The following TLCD4 variants were observed in gnomAD, a reference collection of about 807,000 sequenced individuals.
TLCD4 encodes the protein TLC domain-containing protein 4.
In TLCD4, 7 loss-of-function variants were observed where a neutral mutation model predicts 24.2. The observed-to-expected ratio is 0.29, with a 90% CI of 0.16 to 0.54. TLCD4 has a LOEUF of 0.54. TLCD4 is among the 20% of genes least tolerant of loss of function. The pLI is 0.95. For missense variants in TLCD4, 259 were observed against 313.9 expected (o/e 0.82, Z 1.32); for synonymous variants, 103 against 106.4 (o/e 0.97, Z 0.20).
chr1:95,120,348 T>C (rs985424889), intron 1 of TLCD4: 11 of 152,226 alleles, frequency 7.2e-5, no homozygotes, highest in Admixed American at 3.3e-4. Context: ...GTATTTTTTC[T>C]TGTTGAGGAT....
In TLCD4 at chr1:95,194,561, A is replaced by G. The variant is rs1256353004; in HGVS notation, c.*2693A>G. 2 of 152,164 alleles carry G rather than the reference A, an allele frequency of 1.3e-5. No homozygotes were observed. Among genetic ancestry groups the G allele is most frequent in the African/African-American group, 4.8e-5 (2 of 41,456 alleles). 9.4% of individuals were successfully genotyped at this position (152,164 alleles called of 1,614,324 possible). A position where few individuals can be genotyped will look rare whatever the true frequency, so the allele number is the denominator to read the frequency against. The stretch of plus-strand genomic sequence containing the variant: ...CATTCTGATATTTAACAACTCTATT[A>G]AAATATTTATAGAAAAATAAAAGCA... On this transcript the variant is annotated 3_prime_UTR_variant, in exon 7 of 7. Coordinates refer to ENST00000370203, the MANE Select transcript of TLCD4 (RefSeq NM_152487.3).
chr1:95,101,939 TAA>T, the TLCD4 span, among the ~76,000 whole-genome samples: 9 of 151,936 alleles, frequency 5.9e-5, no homozygotes, highest in African/African-American at 2.2e-4. Context: ...TGAGAATGAG[TAA>T]AGAGTATGAA....
At chr1:95,130,305 T>G (rs2100914443) in intron 1 of TLCD4, among the ~76,000 whole-genome samples, 1 of 152,114 alleles carries the variant, frequency 6.6e-6, no homozygotes, top group Non-Finnish European at 1.5e-5. Context: ...GGCACGTGCC[T>G]CCATACCCAG....
chr1:95,151,164 T>C (rs1677481558), intron 4 of TLCD4, among the ~76,000 whole-genome samples, 161 bp from the exon 5 acceptor site: 1 of 152,048 alleles, frequency 6.6e-6, no homozygotes, highest in Admixed American at 6.6e-5. Flanking sequence ...GGAGCAGAGA[T>C]TTTATGGTAA....
chr1:95,092,522 C>T, the TLCD4 span, among the ~76,000 whole-genome samples: 1 of 152,176 alleles, frequency 6.6e-6, no homozygotes, highest in African/African-American at 2.4e-5. Context: ...ACTGTGGAAG[C>T]TTTGTTCTTT....
At chr1:95,104,152 C>T in the TLCD4 span, among the ~76,000 whole-genome samples, 1 of 152,208 alleles carries the variant, frequency 6.6e-6, no homozygotes, top group South Asian at 2.1e-4. Flanking sequence ...ACATCATTCT[C>T]TCTAGAATGT....
chr1:95,113,363 G>A (rs889678215), upstream of TLCD4, among the ~76,000 whole-genome samples: 1 of 152,142 alleles, frequency 6.6e-6, no homozygotes, highest in Non-Finnish European at 1.5e-5. Flanking sequence ...GTTGATTTGA[G>A]TGAACATTGT....
chr1:95,143,675 G>T (rs1677267556), intron 1 of TLCD4, among the ~76,000 whole-genome samples: 1 of 151,992 alleles, frequency 6.6e-6, no homozygotes, highest in Non-Finnish European at 1.5e-5. Context: ...CTCTAATATT[G>T]AGATCTTTAA....
intron 5 of TLCD4, among the ~76,000 whole-genome samples, chr1:95,162,105 A>T (rs1040602768): frequency 6.6e-6 from 1 of 152,074 alleles, no homozygotes; most frequent in Non-Finnish European, 1.5e-5. Flanking sequence ...TGGGGTGTTA[A>T]AAGTCTCCCA....
intron 1 of TLCD4, among the ~76,000 whole-genome samples, chr1:95,128,019 G>A (rs1212717937): frequency 2.0e-5 from 3 of 152,190 alleles, no homozygotes; most frequent in Non-Finnish European, 2.9e-5. Context: ...CAAGAGAATT[G>A]CTTGAACCTG....
In TLCD4 at chr1:95,159,785, T is replaced by C. The variant is rs1016377907; in HGVS notation, c.399+8366T>C. ...GGAATCCTTTCCCCATTTCTTGTTTTTGTCAGGTTTCTCAAAGATCAGATG... is the reference window on the plus strand; with the variant it reads ...GGAATCCTTTCCCCATTTCTTGTTTCTGTCAGGTTTCTCAAAGATCAGATG... On this transcript the variant is annotated intron_variant, in intron 5 of 6. Transcript: ENST00000370203. Among the ~76,000 whole-genome samples, 4 of 152,198 alleles carry C rather than the reference T, an allele frequency of 2.6e-5. No homozygotes were observed. In the South Asian group the frequency reaches 8.3e-4, roughly 31 times the overall value.
chr1:95,110,693 A>C, the TLCD4 span, among the ~76,000 whole-genome samples: 1 of 151,946 alleles, frequency 6.6e-6, no homozygotes, highest in African/African-American at 2.4e-5. Context: ...GTTCAAGACC[A>C]ACCTGCACAA....
At position 95,192,476 on chromosome 1, in the gene TLCD4, C is replaced by A. The variant is rs897335394; in HGVS notation, c.*608C>A. The A allele has an allele frequency of 2.6e-5, 4 of 152,054 alleles. No homozygotes were observed. The highest frequency in any genetic ancestry group is 2.6e-4 in the Admixed American group (4 of 15,278). 9.4% of individuals were successfully genotyped at this position (152,054 alleles called of 1,614,324 possible). On this transcript the variant is annotated 3_prime_UTR_variant, in exon 7 of 7. Transcript: ENST00000370203. Reference sequence around the variant, plus strand: ...TCTCTTAACTGCATTGGTATTTTTTCTCTGTGAAAGATGACTATGATAATC... The same window carrying A: ...TCTCTTAACTGCATTGGTATTTTTTATCTGTGAAAGATGACTATGATAATC...
intron 5 of TLCD4, chr1:95,164,982 C>T (rs575896775): frequency 6.6e-6 from 1 of 152,298 alleles, no homozygotes; most frequent in Admixed American, 6.5e-5. Context: ...GGATACTACT[C>T]CATCTCTGCA....
At chr1:95,118,543 G>C (rs1020869036) in intron 1 of TLCD4, among the ~76,000 whole-genome samples, 1 of 152,154 alleles carries the variant, frequency 6.6e-6, no homozygotes, top group Non-Finnish European at 1.5e-5. Context: ...AGTTTGTGTG[G>C]ACCCTAGGAA....
chr1:95,113,866 TG>T (rs1328798099), upstream of TLCD4, among the ~76,000 whole-genome samples: 1 of 152,048 alleles, frequency 6.6e-6, no homozygotes, highest in Non-Finnish European at 1.5e-5. Flanking sequence ...CATAGATGCC[TG>T]GGAGTTAGAG....
Position 95,193,067 on chromosome 1 carries a change from C to T in TLCD4, c.*1199C>T, listed in dbSNP as rs1679077902. On this transcript the variant is annotated 3_prime_UTR_variant, in exon 7 of 7. Transcript: ENST00000370203. ...CCCTGAGTTCTGAACCCAGCACCAT[C>T]AGTACCAAAGTCTTATGCAATATGT... 6.6e-6 allele frequency: 1 copy of T among 152,098 alleles called. No individual in the cohort carries two copies. Among genetic ancestry groups the T allele is most frequent in the African/African-American group, 2.4e-5 (1 of 41,432 alleles). The allele number at this position is 152,098 out of a possible 1,614,324, so 9.4% of individuals were successfully genotyped here.
chr1:95,157,792 C>T (rs529075057), intron 5 of TLCD4, among the ~76,000 whole-genome samples: 5 of 152,198 alleles, frequency 3.3e-5, no homozygotes, highest in South Asian at 4.1e-4. Flanking sequence ...AGGAGGAAGC[C>T]GCAAGACTTC....
intron 5 of TLCD4, among the ~76,000 whole-genome samples, chr1:95,156,428 A>G (rs931755886): frequency 1.3e-5 from 2 of 149,888 alleles, no homozygotes; most frequent in African/African-American, 4.8e-5. Context: ...GGGCCAGCTG[A>G]TAGGTGGAGT....
Sources: gnomAD v4.1 joint callset for allele counts (sites outside exome capture counted in the v4.1 genomes callset) on GRCh38, gnomAD v4.1.1 for gene constraint, MANE v1.5 for transcripts, NCBI Gene and HGNC (gene_info 2026-07-23, HGNC 2026-07-21) for gene names.